AFF2: variants seen among roughly 807,000 people sequenced by gnomAD.
AFF2 encodes ALF transcription elongation factor 2, also known as AF4/FMR2 family member 2.
AFF2 carries 14 observed loss-of-function variants against 76.9 expected under a neutral mutation model. That is an observed-to-expected ratio of 0.18 (90% CI 0.12 to 0.28). The LOEUF (loss-of-function observed/expected upper bound fraction) is 0.28, where lower values mean the gene tolerates loss of function less well. Ranked by LOEUF, AFF2 falls within the 10% of genes least tolerant of loss-of-function variation. The probability of loss-of-function intolerance (pLI) is 1.00; values close to 1 mark genes in which losing one functional copy is unlikely to be tolerated. For synonymous variants in AFF2, 398 were observed against 366.7 expected, an observed-to-expected ratio of 1.09 and a Z score of -0.98; for missense variants, 868 against 1,001.1, an observed-to-expected ratio of 0.87 and a Z score of 1.79.
At chrX:148,644,435 C>T (rs1377671894) in intron 1 of AFF2, among the ~76,000 whole-genome samples, 1 of 111,532 alleles carries the variant, frequency 9.0e-6, no homozygotes, top group Non-Finnish European at 1.9e-5. Flanking sequence ...GTTTCCTCAT[C>T]CGCAAAATGA....
intron 9 of AFF2, among the ~76,000 whole-genome samples, chrX:148,921,111 G>A (rs1416009192): frequency 9.0e-6 from 1 of 111,389 alleles, no homozygotes; most frequent in African/African-American, 3.3e-5. Context: ...AAAAGTTGGA[G>A]ATTTATGGTT....
Position 148,535,372 on chromosome X carries a change from A to T in AFF2, c.47+34228A>T, listed in dbSNP as rs73638161. Among the ~76,000 whole-genome samples the T allele has an allele frequency of 9.5e-3, 1,060 of 111,415 alleles. 15 individuals are homozygous for T. Among genetic ancestry groups the T allele is most frequent in the African/African-American group, 0.033 (1,006 of 30,650 alleles). The stretch of plus-strand genomic sequence containing the variant: ...GCATGAGGCATACTTATATTAGCTA[A>T]TCATTCACTATGTGTCTGAAATTCA... On this transcript the variant is annotated intron_variant, in intron 1 of 20. Coordinates refer to ENST00000370460, the MANE Select transcript of AFF2 (RefSeq NM_002025.4).
chrX:148,652,127 A>T lies in AFF2; in HGVS notation c.176A>T (p.Glu59Val). Residue 59 changes from glutamate to valine, a missense_variant, in exon 2 of 21, where the codon GAA becomes GTA. Transcript: ENST00000370460. ...TTTGGGGAGCCATACAAGGTAGCTG[A>T]ATATGTATGTAATTTTTCTTTCTGG... ...DLFGEPYKVA[E>V]YTNKGDALAN... The T allele has an allele frequency of 8.4e-7, 1 of 1,187,804 alleles. No individual in the cohort carries two copies.
chrX:148,666,485 T>C (rs1180960192), intron 3 of AFF2, among the ~76,000 whole-genome samples: 1 of 110,037 alleles, frequency 9.1e-6, no homozygotes, highest in African/African-American at 3.3e-5. Flanking sequence ...CTCGGGAGGC[T>C]GAGGCAGGAG....
In AFF2 at chrX:148,956,323, A is replaced by T. The variant is rs2072039105; in HGVS notation, c.2278A>T (p.Met760Leu). 9.1e-6 allele frequency: 11 copies of T among 1,210,109 alleles called. No homozygotes were observed. Among genetic ancestry groups the T allele is most frequent in the South Asian group, 3.5e-5 (2 of 56,772 alleles). ...TGCCAGCCTGACCCTCAGCACCTTA[A>T]TGAGTAGCAGTGGCAGCAACAACAA... Reference protein sequence around the residue: ...CGASLTLSTLMSSSGSNNNLS... With the variant: ...CGASLTLSTLLSSSGSNNNLS... The change falls in exon 11 of 21, where the codon ATG becomes TTG. Residue 760 changes from methionine (M) to leucine (L), a missense_variant. Met to Leu is a conservative substitution (Grantham distance 15). Coordinates refer to ENST00000370460, the MANE Select transcript of AFF2 (RefSeq NM_002025.4).
chrX:148,683,687 T>C (rs781984101), intron 3 of AFF2, among the ~76,000 whole-genome samples: 2 of 111,879 alleles, frequency 1.8e-5, no homozygotes, highest in African/African-American at 6.5e-5. Flanking sequence ...CAGTTTTTGT[T>C]TGTAGGCTTT....
chrX:148,838,139 G>A (rs1178362533), intron 5 of AFF2, among the ~76,000 whole-genome samples: 1 of 112,223 alleles, frequency 8.9e-6, no homozygotes, highest in Non-Finnish European at 1.9e-5. Context: ...CAAGCAGACA[G>A]ATCTTTACAA....
intron 1 of AFF2, among the ~76,000 whole-genome samples, chrX:148,586,934 C>T (rs2053475203): frequency 9.0e-6 from 1 of 110,932 alleles, no homozygotes; most frequent in Non-Finnish European, 1.9e-5. Flanking sequence ...TCCTCCTCCT[C>T]TTCTTTTCTC....
intron 1 of AFF2, among the ~76,000 whole-genome samples, chrX:148,634,243 C>T (rs149959412): frequency 1.2e-3 from 134 of 111,879 alleles, no homozygotes; most frequent in African/African-American, 4.0e-3. Flanking sequence ...GATGTATCAT[C>T]ATCTCTATGG....
chrX:148,691,139 G>A (rs782779129), intron 3 of AFF2, among the ~76,000 whole-genome samples: 2 of 111,593 alleles, frequency 1.8e-5, no homozygotes, highest in Admixed American at 9.6e-5. Context: ...GTGTGTCTAC[G>A]CCTCAGTTAT....
intron 2 of AFF2, among the ~76,000 whole-genome samples, chrX:148,656,601 G>A (rs1349462477): frequency 1.0e-5 from 1 of 98,037 alleles, no homozygotes; most frequent in Non-Finnish European, 2.0e-5. Flanking sequence ...CCGGGTTCAC[G>A]CCATTCTCCT....
intron 9 of AFF2, among the ~76,000 whole-genome samples, chrX:148,941,669 A>G (rs2071836261): frequency 8.9e-6 from 1 of 112,355 alleles, no homozygotes; most frequent in African/African-American, 3.2e-5. Context: ...TTTGTCAATG[A>G]AACTGAAGCT....
At chrX:148,790,134 G>A (rs186141403) in intron 3 of AFF2, among the ~76,000 whole-genome samples, 1 of 111,993 alleles carries the variant, frequency 8.9e-6, no homozygotes, top group African/African-American at 3.2e-5. Flanking sequence ...TGGTTAGCTT[G>A]GCCTTGCTGG....
chrX:148,577,093 G>A (rs1557243579), intron 1 of AFF2, among the ~76,000 whole-genome samples: 1 of 111,610 alleles, frequency 9.0e-6, no homozygotes, highest in East Asian at 2.8e-4. Context: ...CCTTTCTAAT[G>A]CTGCCCCAAA....
At chrX:148,743,413 T>A (rs1159490869) in intron 3 of AFF2, among the ~76,000 whole-genome samples, 1 of 112,204 alleles carries the variant, frequency 8.9e-6, no homozygotes, top group Non-Finnish European at 1.9e-5. Context: ...AAATATAGCA[T>A]AGGAGCTTCT....
At chrX:148,700,036 A>G (rs1557261667) in intron 3 of AFF2, among the ~76,000 whole-genome samples, 3 of 111,582 alleles carry the variant, frequency 2.7e-5, no homozygotes, top group Non-Finnish European at 5.6e-5. Flanking sequence ...TGTTTAAGAA[A>G]TGGAGAAACT....
At chrX:148,825,536 G>C (rs1001995063) in intron 4 of AFF2, among the ~76,000 whole-genome samples, 8 of 109,109 alleles carry the variant, frequency 7.3e-5, no homozygotes, top group Non-Finnish European at 1.5e-4. Context: ...GATTGCCCCT[G>C]TGATTTTCTT....
chrX:148,709,828 A>G (rs1292119044), intron 3 of AFF2, among the ~76,000 whole-genome samples: 4 of 112,190 alleles, frequency 3.6e-5, no homozygotes, highest in African/African-American at 9.7e-5. Context: ...TCTGTCCTGT[A>G]AAATGGGAAT....
chrX:148,637,447 C>T (rs188194793), intron 1 of AFF2, among the ~76,000 whole-genome samples: 1 of 112,111 alleles, frequency 8.9e-6, no homozygotes, highest in East Asian at 2.8e-4. Flanking sequence ...TCCTGAGGCA[C>T]AGCACTGAAA....
Sources: gnomAD v4.1 joint callset for allele counts (sites outside exome capture counted in the v4.1 genomes callset) on GRCh38, gnomAD v4.1.1 for gene constraint, MANE v1.5 for transcripts, NCBI Gene and HGNC (gene_info 2026-07-23, HGNC 2026-07-21) for gene names.